Variants in RBFOX1 observed in about 807,000 individuals in gnomAD.
The protein encoded by RBFOX1 is RNA binding fox-1 homolog 1, also known as RNA binding protein fox-1 homolog 1.
RBFOX1 carries 8 observed loss-of-function variants against 57.7 expected under a neutral mutation model. The observed-to-expected ratio is 0.14, with a 90% CI of 0.08 to 0.25. RBFOX1 has a LOEUF of 0.25. Ranked by LOEUF, RBFOX1 falls within the 10% of genes least tolerant of loss-of-function variation. The pLI is 1.00. For missense variants in RBFOX1, 611 were observed against 548.5 expected (o/e 1.11, Z -1.14); for synonymous variants, 326 against 222.4 (o/e 1.47, Z -4.15).
intron 4 of RBFOX1, among the ~76,000 whole-genome samples, chr16:7,239,465 C>G (rs993352089): frequency 4.6e-5 from 7 of 152,188 alleles, no homozygotes; most frequent in African/African-American, 1.7e-4. Flanking sequence ...TGCCACTGCA[C>G]TCCAGCCTGG....
chr16:5,509,520 G>C (rs552345768), intron 2 of RBFOX1, among the ~76,000 whole-genome samples: 1 of 152,250 alleles, frequency 6.6e-6, no homozygotes, highest in African/African-American at 2.4e-5. Context: ...AAAGGGGAGT[G>C]TGGAATGAGA....
chr16:5,782,075 G>A (rs13380694), intron 3 of RBFOX1, among the ~76,000 whole-genome samples: 93 of 152,332 alleles, frequency 6.1e-4, no homozygotes, highest in African/African-American at 2.2e-3. Flanking sequence ...GCTGGGTTTG[G>A]TGGCACATGC....
Position 5,830,282 on chromosome 16 carries a change from A to T in RBFOX1, c.319-37021A>T, listed in dbSNP as rs58205081. 3.1e-3 allele frequency among the ~76,000 whole-genome samples: 468 copies of T among 152,156 alleles called. 5 individuals are homozygous for T. The highest frequency in any genetic ancestry group is 0.011 in the African/African-American group (445 of 41,518). ...TTTCCTATGCATTTTATGATGTTGGAGGTGGAATCATTTTAGCCCAGCATA... is the reference window on the plus strand; with the variant it reads ...TTTCCTATGCATTTTATGATGTTGGTGGTGGAATCATTTTAGCCCAGCATA... On this transcript the variant is annotated intron_variant, in intron 3 of 19. Transcript: ENST00000641259.
chr16:7,293,240 T>G lies in RBFOX1; in HGVS notation c.28-224907T>G, dbSNP rs79915682. ...TGTCATTATTCCCTAAACAATGCAT[T>G]GAAACAACTATTTACATGGAATTTG... On this transcript the variant is annotated intron_variant, in intron 4 of 15. Transcript: ENST00000550418. 9.2e-5 allele frequency among the ~76,000 whole-genome samples: 14 copies of G among 152,252 alleles called. No homozygotes were observed. The East Asian group carries it at 2.5e-3, about 27-fold the overall frequency.
intron 3 of RBFOX1, among the ~76,000 whole-genome samples, chr16:6,960,512 T>A (rs1244246696): frequency 6.6e-6 from 1 of 152,100 alleles, no homozygotes; most frequent in Non-Finnish European, 1.5e-5. Flanking sequence ...TGACCCTCAG[T>A]TTGGTCTGGG....
intron 1 of RBFOX1, chr16:6,037,508 G>T (rs1156814290): frequency 1.4e-5 from 2 of 139,648 alleles, no homozygotes; most frequent in Non-Finnish European, 3.1e-5. Flanking sequence ...TACTACTGTT[G>T]GTATCTATTG....
chr16:5,513,312 A>T (rs1419772815), intron 2 of RBFOX1, among the ~76,000 whole-genome samples: 2 of 152,154 alleles, frequency 1.3e-5, no homozygotes, highest in Non-Finnish European at 2.9e-5. Context: ...TGACGTTTCG[A>T]TTAGACTAGG....
intron 6 of RBFOX1, among the ~76,000 whole-genome samples, chr16:7,583,053 C>G (rs1602465308): frequency 6.6e-6 from 1 of 152,236 alleles, no homozygotes; most frequent in East Asian, 1.9e-4. Flanking sequence ...AGATTGGAAT[C>G]CTGATTACCT....
intron 2 of RBFOX1, among the ~76,000 whole-genome samples, chr16:6,611,464 C>G (rs1299288226): frequency 6.6e-6 from 1 of 152,160 alleles, no homozygotes; most frequent in African/African-American, 2.4e-5. Context: ...TCTGCTTTTA[C>G]ATGATGCTTC....
chr16:6,159,397 G>A (rs2096861490), intron 1 of RBFOX1, among the ~76,000 whole-genome samples: 1 of 152,136 alleles, frequency 6.6e-6, no homozygotes, highest in African/African-American at 2.4e-5. Flanking sequence ...GTTTTTGGGG[G>A]GAGAAGCTCC....
chr16:6,064,446 C>G (rs1358736356), intron 1 of RBFOX1, among the ~76,000 whole-genome samples: 2 of 152,154 alleles, frequency 1.3e-5, no homozygotes, highest in Non-Finnish European at 2.9e-5. Context: ...TGGGGGGATA[C>G]TTGATTAAGT....
At chr16:6,196,437 G>A (rs1043636522) in intron 1 of RBFOX1, among the ~76,000 whole-genome samples, 3 of 152,094 alleles carry the variant, frequency 2.0e-5, no homozygotes, top group Admixed American at 6.5e-5. Flanking sequence ...TGCAGAAAAC[G>A]TTTAACACAT....
intron 3 of RBFOX1, among the ~76,000 whole-genome samples, chr16:6,973,356 T>A (rs1332466830): frequency 6.6e-6 from 1 of 152,174 alleles, no homozygotes; most frequent in Non-Finnish European, 1.5e-5. Context: ...CTTATTACAA[T>A]GGTTGGCATT....
chr16:6,369,389 G>A (rs2090115193), intron 2 of RBFOX1, among the ~76,000 whole-genome samples: 2 of 152,100 alleles, frequency 1.3e-5, no homozygotes, highest in South Asian at 2.1e-4. Flanking sequence ...ACATTGTGAA[G>A]GAAAAAGAAA....
intron 3 of RBFOX1, among the ~76,000 whole-genome samples, chr16:7,028,433 T>C (rs1011635067): frequency 2.4e-4 from 37 of 151,746 alleles, no homozygotes; most frequent in Admixed American, 1.1e-3. Context: ...ACTAAAAATA[T>C]AAAATTAGCT....
chr16:6,613,274 C>T (rs983400988), intron 2 of RBFOX1, among the ~76,000 whole-genome samples: 1 of 151,966 alleles, frequency 6.6e-6, no homozygotes, highest in Non-Finnish European at 1.5e-5. Context: ...AAAGGATTTT[C>T]AGGTTGGTTT....
At chr16:6,285,529 T>C (rs920748892) in intron 1 of RBFOX1, among the ~76,000 whole-genome samples, 1 of 152,004 alleles carries the variant, frequency 6.6e-6, no homozygotes, top group Non-Finnish European at 1.5e-5. Context: ...GAGTGCTGAT[T>C]CCATGCACAA....
intron 4 of RBFOX1, among the ~76,000 whole-genome samples, chr16:7,114,412 C>A (rs2065442676): frequency 6.6e-6 from 1 of 152,094 alleles, no homozygotes; most frequent in East Asian, 1.9e-4. Context: ...GCTCACTGTA[C>A]CCTTTAATAA....
At chr16:7,430,138 C>G (rs937059574) in intron 4 of RBFOX1, among the ~76,000 whole-genome samples, 2 of 152,226 alleles carry the variant, frequency 1.3e-5, no homozygotes, top group African/African-American at 4.8e-5. Context: ...TATAATCCAA[C>G]CAAATGAGCT....
Sources: gnomAD v4.1 joint callset for allele counts (sites outside exome capture counted in the v4.1 genomes callset) on GRCh38, gnomAD v4.1.1 for gene constraint, MANE v1.5 for transcripts, NCBI Gene and HGNC (gene_info 2026-07-23, HGNC 2026-07-21) for gene names.